Variants in HS3ST4 observed in about 807,000 individuals in gnomAD.
The protein encoded by HS3ST4 is heparan sulfate-glucosamine 3-sulfotransferase 4.
HS3ST4 carries 17 observed loss-of-function variants against 29.2 expected under a neutral mutation model. The observed-to-expected ratio is 0.58, with a 90% CI of 0.40 to 0.87. The LOEUF (loss-of-function observed/expected upper bound fraction) is 0.87. Among genes scored for constraint, HS3ST4 ranks in the 40% least tolerant of loss-of-function variants. The probability of loss-of-function intolerance (pLI) is 0.00; values close to 1 mark genes in which losing one functional copy is unlikely to be tolerated. For synonymous variants in HS3ST4, 314 were observed against 285.7 expected (o/e 1.10, Z -1.00); for missense variants, 627 against 634.5 (o/e 0.99, Z 0.13).
intron 1 of HS3ST4, among the ~76,000 whole-genome samples, chr16:25,994,084 C>T (rs144947148): frequency 3.5e-4 from 53 of 151,812 alleles, no homozygotes; most frequent in African/African-American, 1.2e-3. Context: ...GTAACCATCC[C>T]TCATGACCTT....
chr16:25,964,117 G>A (rs1227930427), intron 1 of HS3ST4, among the ~76,000 whole-genome samples: 1 of 151,754 alleles, frequency 6.6e-6, no homozygotes, highest in African/African-American at 2.4e-5. Context: ...GGAGGTGGCA[G>A]GGAGCCAAGA....
chr16:26,032,294 G>C (rs955911975), intron 1 of HS3ST4, among the ~76,000 whole-genome samples: 2 of 152,088 alleles, frequency 1.3e-5, no homozygotes, highest in African/African-American at 4.8e-5. Context: ...GAGCCAAGAG[G>C]AAGTCTCTCA....
chr16:26,002,548 G>A (rs1969220767), intron 1 of HS3ST4, among the ~76,000 whole-genome samples: 1 of 151,990 alleles, frequency 6.6e-6, no homozygotes, highest in Admixed American at 6.6e-5. Flanking sequence ...ATGGTGGAAG[G>A]ATGTGTCTAT....
chr16:25,866,218 A>G (rs1457430916), intron 1 of HS3ST4, among the ~76,000 whole-genome samples: 1 of 152,210 alleles, frequency 6.6e-6, no homozygotes, highest in Non-Finnish European at 1.5e-5. Flanking sequence ...TCAGCCTATA[A>G]TAGAGACTAA....
chr16:25,756,129 C>T (rs926864732), intron 1 of HS3ST4, among the ~76,000 whole-genome samples: 1 of 53,076 alleles, frequency 1.9e-5, no homozygotes, highest in South Asian at 1.2e-3. Context: ...CACACACATA[C>T]ACACACACAC....
intron 1 of HS3ST4, chr16:26,062,856 C>CA (rs1898493114): frequency 7.1e-6 from 2 of 283,634 alleles, no homozygotes; most frequent in Admixed American, 7.3e-5. Context: ...ACTTTATCTC[C>CA]AACTTTCACT....
intron 1 of HS3ST4, among the ~76,000 whole-genome samples, chr16:26,129,657 A>G (rs1011266022): frequency 6.6e-6 from 1 of 152,232 alleles, no homozygotes; most frequent in African/African-American, 2.4e-5. Flanking sequence ...AAATAATGAA[A>G]TAGACCCATA....
chr16:25,818,818 C>CT (rs980297776), intron 1 of HS3ST4, among the ~76,000 whole-genome samples: 321 of 150,162 alleles, frequency 2.1e-3, no homozygotes, highest in Middle Eastern at 6.8e-3. Flanking sequence ...TTTATTCCCA[C>CT]TTTTTTTTTT....
intron 1 of HS3ST4, among the ~76,000 whole-genome samples, chr16:26,069,254 C>T (rs1022972109): frequency 1.3e-5 from 2 of 152,340 alleles, no homozygotes; most frequent in African/African-American, 2.4e-5. Context: ...ACCCAGCCCA[C>T]ATTCCTTAAA....
intron 1 of HS3ST4, among the ~76,000 whole-genome samples, chr16:25,828,175 T>G (rs1050834186): frequency 2.9e-5 from 4 of 137,294 alleles, no homozygotes; most frequent in Admixed American, 7.7e-5. Context: ...CCTTTCTCTC[T>G]CTCTTTCTCT....
At chr16:25,796,793 CT>C (rs1966888489) in intron 1 of HS3ST4, among the ~76,000 whole-genome samples, 2 of 152,296 alleles carry the variant, frequency 1.3e-5, no homozygotes, top group African/African-American at 4.8e-5. Flanking sequence ...TTTAGACTCA[CT>C]TTTAATGACA....
chr16:26,115,374 T>C (rs1388688604), intron 1 of HS3ST4, among the ~76,000 whole-genome samples: 2 of 151,766 alleles, frequency 1.3e-5, no homozygotes, highest in African/African-American at 4.8e-5. Flanking sequence ...AGACAGGGGA[T>C]TGGTTTCCAA....
chr16:26,096,838 C>T (rs62036773), intron 1 of HS3ST4, among the ~76,000 whole-genome samples: 82,040 of 151,950 alleles, frequency 0.54, 22,884 homozygotes, highest in African/African-American at 0.67. Flanking sequence ...AAAACCCCAT[C>T]GTCTCAGCCC....
At chr16:26,054,347 G>T (rs1898382652) in intron 1 of HS3ST4, among the ~76,000 whole-genome samples, 1 of 150,946 alleles carries the variant, frequency 6.6e-6, no homozygotes, top group Admixed American at 6.6e-5. Flanking sequence ...GAAGAAGAAT[G>T]CATTAAGATT....
chr16:26,117,521 T>C (rs1259912121), intron 1 of HS3ST4, among the ~76,000 whole-genome samples: 1 of 152,232 alleles, frequency 6.6e-6, no homozygotes, highest in East Asian at 1.9e-4. Flanking sequence ...TATTCCATGT[T>C]ATATCTGCAT....
intron 1 of HS3ST4, among the ~76,000 whole-genome samples, chr16:25,722,450 G>C (rs1966504031): frequency 6.6e-6 from 1 of 152,166 alleles, no homozygotes; most frequent in Non-Finnish European, 1.5e-5. Flanking sequence ...CTTTTCTTTT[G>C]TTTGATTTTG....
At chr16:25,828,991 A>G (rs1967266510) in intron 1 of HS3ST4, among the ~76,000 whole-genome samples, 1 of 152,220 alleles carries the variant, frequency 6.6e-6, no homozygotes, top group African/African-American at 2.4e-5. Flanking sequence ...TGAGCAATAA[A>G]TAGCATTCCT....
intron 1 of HS3ST4, among the ~76,000 whole-genome samples, chr16:25,994,002 G>A (rs1596638547): frequency 7.0e-6 from 1 of 142,590 alleles, no homozygotes; most frequent in African/African-American, 2.6e-5. Flanking sequence ...GTGTGTGTGT[G>A]TGTGTGGTGG....
chr16:25,828,639 C>A (rs1305442956), intron 1 of HS3ST4, among the ~76,000 whole-genome samples: 1 of 152,042 alleles, frequency 6.6e-6, no homozygotes, highest in Non-Finnish European at 1.5e-5. Flanking sequence ...CTGTGCCTGG[C>A]CCCCGATAAG....
Sources: gnomAD v4.1 joint callset for allele counts (sites outside exome capture counted in the v4.1 genomes callset) on GRCh38, gnomAD v4.1.1 for gene constraint, MANE v1.5 for transcripts, NCBI Gene and HGNC (gene_info 2026-07-23, HGNC 2026-07-21) for gene names.